CTNNA2: variants seen among roughly 807,000 people sequenced by gnomAD.
CTNNA2 encodes the protein catenin alpha-2.
CTNNA2 carries 42 observed loss-of-function variants against 101.0 expected under a neutral mutation model. The ratio of observed to expected loss-of-function variants is 0.42; its 90% CI spans 0.32 to 0.54. The LOEUF is 0.54. Among genes scored for constraint, CTNNA2 ranks in the 20% least tolerant of loss-of-function variants. The probability of loss-of-function intolerance (pLI) is 0.14; values close to 1 mark genes in which losing one functional copy is unlikely to be tolerated. For synonymous variants in CTNNA2, 450 were observed against 456.4 expected, an observed-to-expected ratio of 0.99 and a Z score of 0.18; for missense variants, 871 against 1,223.1, an observed-to-expected ratio of 0.71 and a Z score of 4.29.
At position 79,206,392 on chromosome 2, in the gene CTNNA2, A is replaced by G. The variant is rs146407251; in HGVS notation, c.-406+8316A>G. 4.9e-3 allele frequency among the ~76,000 whole-genome samples: 747 copies of G among 152,214 alleles called. 5 individuals carry two copies. The highest frequency in any genetic ancestry group is 0.017 in the African/African-American group (722 of 41,542). ...TATATTTAAATGTATTAACTTTTCCATAGTCATGTGAAGATAAAAAGGGCC... is the reference window on the plus strand; with the variant it reads ...TATATTTAAATGTATTAACTTTTCCGTAGTCATGTGAAGATAAAAAGGGCC... On this transcript the variant is annotated intron_variant, in intron 2 of 21. Transcript: ENST00000466387.
chr2:80,105,473 CA>C (rs1700823933), intron 7 of CTNNA2, among the ~76,000 whole-genome samples: 1 of 152,164 alleles, frequency 6.6e-6, no homozygotes, highest in African/African-American at 2.4e-5. Flanking sequence ...CGTATAATCT[CA>C]ACACTTTGAG....
chr2:80,582,209 G>A (rs1004017361), intron 14 of CTNNA2, among the ~76,000 whole-genome samples: 2 of 151,794 alleles, frequency 1.3e-5, no homozygotes, highest in African/African-American at 2.4e-5. Context: ...AACACAAGAG[G>A]CAATGACAAA....
chr2:79,820,819 C>T (rs1211206974), intron 3 of CTNNA2, among the ~76,000 whole-genome samples: 1 of 152,010 alleles, frequency 6.6e-6, no homozygotes, highest in Admixed American at 6.6e-5. Flanking sequence ...GACATAGGAC[C>T]CCTAATTTCA....
In CTNNA2 at chr2:79,655,036, ATGT is replaced by A. The variant is rs201008221; in HGVS notation, c.102+3382_102+3384del. ...TGTTTAATTTTTAAAATTATTCATG[ATGT>A]TGTGTTTTATAAAATATTGGTCTGT... On this transcript the variant is annotated intron_variant, in intron 2 of 18. Transcript: ENST00000402739. Among the ~76,000 whole-genome samples the A allele has an allele frequency of 8.5e-3, 1,287 of 152,280 alleles. 13 individuals are homozygous for A. The highest frequency in any genetic ancestry group is 0.013 in the Non-Finnish European group (903 of 68,012).
chr2:79,818,995 A>G (rs1418516757), intron 3 of CTNNA2, among the ~76,000 whole-genome samples: 2 of 125,506 alleles, frequency 1.6e-5, no homozygotes, highest in African/African-American at 3.0e-5. Flanking sequence ...TTTTTTTTTA[A>G]TTGAGACGGA....
At chr2:80,555,580 G>T in intron 11 of CTNNA2, 113 bp from the exon 12 acceptor site, 1 of 509,132 alleles carries the variant, frequency 2.0e-6, no homozygotes. Flanking sequence ...AGTATTATTA[G>T]GCATGCATTG....
At chr2:80,579,819 C>T (rs1695372695) in intron 13 of CTNNA2, among the ~76,000 whole-genome samples, 2 of 152,332 alleles carry the variant, frequency 1.3e-5, no homozygotes, top group African/African-American at 4.8e-5. Context: ...AATAACCACA[C>T]CTGATTAATT....
At chr2:80,588,811 T>TA (rs1295920351) in intron 14 of CTNNA2, among the ~76,000 whole-genome samples, 1 of 152,148 alleles carries the variant, frequency 6.6e-6, no homozygotes, top group Non-Finnish European at 1.5e-5. Context: ...CACCTTCACT[T>TA]ACACTCATAG....
intron 7 of CTNNA2, among the ~76,000 whole-genome samples, chr2:80,117,189 A>G (rs1357130220): frequency 2.0e-5 from 3 of 152,126 alleles, no homozygotes; most frequent in Non-Finnish European, 4.4e-5. Flanking sequence ...TTTAGGCAAG[A>G]CAGAAGGACC....
intron 3 of CTNNA2, among the ~76,000 whole-genome samples, chr2:79,839,580 A>T (rs940604959): frequency 6.6e-6 from 1 of 151,916 alleles, no homozygotes; most frequent in Non-Finnish European, 1.5e-5. Context: ...TACCCTTAAC[A>T]TACGTATTTT....
At chr2:79,479,211 T>G (rs1671082759) in intron 4 of CTNNA2, among the ~76,000 whole-genome samples, 1 of 152,214 alleles carries the variant, frequency 6.6e-6, no homozygotes, top group South Asian at 2.1e-4. Flanking sequence ...CTGTTTTTGA[T>G]GCTCATTAAT....
intron 8 of CTNNA2, among the ~76,000 whole-genome samples, chr2:80,393,648 G>A (rs556637767): frequency 1.4e-4 from 21 of 152,218 alleles, no homozygotes; most frequent in African/African-American, 4.8e-4. Context: ...AAACTCCCGG[G>A]AATTTAGTGA....
chr2:80,161,454 G>A (rs1225595100), intron 7 of CTNNA2, among the ~76,000 whole-genome samples: 1 of 151,976 alleles, frequency 6.6e-6, no homozygotes, highest in African/African-American at 2.4e-5. Context: ...AATGAAAACA[G>A]TATCTTAATA....
chr2:79,248,976 A>G (rs572596362), intron 2 of CTNNA2, among the ~76,000 whole-genome samples: 4 of 152,308 alleles, frequency 2.6e-5, no homozygotes, highest in South Asian at 4.1e-4. Flanking sequence ...TAGAGCCACC[A>G]CAGGGAACCA....
intron 7 of CTNNA2, among the ~76,000 whole-genome samples, chr2:80,012,047 C>T (rs1025578484): frequency 1.3e-5 from 2 of 152,166 alleles, no homozygotes; most frequent in Non-Finnish European, 2.9e-5. Context: ...TGTACGTTTA[C>T]AGGCCTCTGC....
intron 2 of CTNNA2, among the ~76,000 whole-genome samples, chr2:79,724,551 C>T (rs1686693912): frequency 6.6e-6 from 1 of 152,034 alleles, no homozygotes; most frequent in Admixed American, 6.5e-5. Flanking sequence ...CGCGGTGGCT[C>T]ACGCCTGTAA....
intron 4 of CTNNA2, among the ~76,000 whole-genome samples, chr2:79,411,005 A>G (rs1195942806): frequency 6.6e-6 from 1 of 152,114 alleles, no homozygotes; most frequent in African/African-American, 2.4e-5. Flanking sequence ...TCAGAGGTTT[A>G]ACTTCTTCCT....
At chr2:80,532,681 G>A (rs1465085969) in intron 9 of CTNNA2, among the ~76,000 whole-genome samples, 1 of 152,166 alleles carries the variant, frequency 6.6e-6, no homozygotes, top group African/African-American at 2.4e-5. Flanking sequence ...GGTATCTGCT[G>A]AGGTTCTTGG....
intron 3 of CTNNA2, among the ~76,000 whole-genome samples, chr2:79,345,889 G>A (rs866030710): frequency 3.4e-5 from 5 of 147,414 alleles, no homozygotes; most frequent in South Asian, 2.1e-4. Flanking sequence ...AATACAGATG[G>A]GGGTCTCACC....
Sources: gnomAD v4.1 joint callset for allele counts (sites outside exome capture counted in the v4.1 genomes callset) on GRCh38, gnomAD v4.1.1 for gene constraint, MANE v1.5 for transcripts, NCBI Gene and HGNC (gene_info 2026-07-23, HGNC 2026-07-21) for gene names.